KANK3: variants seen among roughly 807,000 people sequenced by gnomAD.
The protein encoded by KANK3 is KN motif and ankyrin repeat domain-containing protein 3.
In KANK3, 61 loss-of-function variants were observed where a neutral mutation model predicts 65.4. That is an observed-to-expected ratio of 0.93 (90% CI 0.76 to 1.15). KANK3 has a LOEUF of 1.15. Among genes scored for constraint, KANK3 ranks in the 50% most tolerant of loss-of-function variants. The pLI is 0.00. For missense variants in KANK3, 1,187 were observed against 1,178.8 expected, an observed-to-expected ratio of 1.01 and a Z score of -0.10; for synonymous variants, 586 against 543.3, an observed-to-expected ratio of 1.08 and a Z score of -1.09.
Position 8,335,626 on chromosome 19 carries a change from G to C in KANK3, c.201C>G (p.Pro67=). ...GCGCGCGGGGACGGCGCGAGGTCGG[G>C]GGTCCCGGGGCGCGGCGGGCAGCGG... ...RGPAARRAPG[P]PTSRRPRAPR... is the part of the protein sequence containing the mutation. The change falls in exon 3 of 11, where the codon CCC becomes CCG. Residue 67 remains proline (P), a synonymous_variant. Transcript: ENST00000330915. 9 of 1,242,504 alleles carry C rather than the reference G, an allele frequency of 7.2e-6. No homozygotes were observed. Among genetic ancestry groups the C allele is most frequent in the Non-Finnish European group, 9.1e-6 (9 of 990,628 alleles). 77.0% of individuals were successfully genotyped at this position (1,242,504 alleles called of 1,614,324 possible).
chr19:8,333,825 G>C lies in KANK3; in HGVS notation c.1635-17C>G, dbSNP rs753475201. 5.2e-6 allele frequency: 8 copies of C among 1,546,048 alleles called. No homozygotes were observed. In the Admixed American group the frequency reaches 7.9e-5, roughly 15 times the overall value. The stretch of plus-strand genomic sequence containing the variant: ...AGCTCGCACCTGCAGAGGAGGCCAG[G>C]AGAGACTCAGGATGGATCGGGGACA... On this transcript the variant is annotated splice_polypyrimidine_tract_variant and intron_variant, in intron 5 of 10. Transcript: ENST00000330915. The surrounding 1 kb of genome is among the most constrained non-coding windows in gnomAD (Gnocchi z 5.0).
chr19:8,324,792 G>T lies in KANK3; in HGVS notation c.2121C>A (p.Gly707=). 1 of 1,613,618 alleles carries T rather than the reference G, an allele frequency of 6.2e-7. No individual in the cohort carries two copies. The highest frequency in any genetic ancestry group is 1.3e-5 in the African/African-American group (1 of 75,062). ...QTALMLAISH[G]RQDMVATLLA... ...GTAGGGTTGCCACCATGTCCTGTCG[G>T]CCATGGCTGATGGCCAGCATGAGGG... The change falls in exon 9 of 11, where the codon GGC becomes GGA. Residue 707 remains glycine (G), a synonymous_variant. Coordinates refer to ENST00000330915, the MANE Select transcript of KANK3 (RefSeq NM_198471.3).
chr19:8,335,107 G>A lies in KANK3; in HGVS notation c.720C>T (p.Arg240=). The change falls in exon 3 of 11, where the codon CGC becomes CGT. Residue 240 remains arginine (R), a synonymous_variant. Transcript: ENST00000330915. ...QPEPDGEAET[R]PDKLAQLRRL... is the part of the protein sequence containing the mutation. ...GCCGCAGCTGGGCGAGCTTGTCCGG[G>A]CGCGTCTCAGCCTCCCCGTCCGGCT... 7.8e-7 allele frequency: 1 copy of A among 1,285,706 alleles called. No homozygotes were observed. Among genetic ancestry groups the A allele is most frequent in the Non-Finnish European group, 9.8e-7 (1 of 1,019,758 alleles). The allele number at this position is 1,285,706 out of a possible 1,614,324, so 79.6% of individuals were successfully genotyped here.
chr19:8,329,920 A>G (rs1233009537), intron 7 of KANK3, among the ~76,000 whole-genome samples: 1 of 152,230 alleles, frequency 6.6e-6, no homozygotes, highest in Non-Finnish European at 1.5e-5. Flanking sequence ...AATGGGCTGA[A>G]GGGGTAACCA....
At chr19:8,326,011 G>C (rs532338682) in intron 7 of KANK3, among the ~76,000 whole-genome samples, 125 of 152,256 alleles carry the variant, frequency 8.2e-4, no homozygotes, top group Non-Finnish European at 1.5e-3. Context: ...ATTTTTAGTA[G>C]AGACGGTTTC....
At position 8,340,047 on chromosome 19, in the gene KANK3, A is replaced by G. The variant is rs150852417; in HGVS notation, c.-28-2191T>C. On this transcript the variant is annotated intron_variant, in intron 1 of 10. Coordinates refer to ENST00000330915, the MANE Select transcript of KANK3 (RefSeq NM_198471.3). ...GGGAAAGATGGGCTTTGGAAAGCCCACATGGAAAACCTTCAGGGAGGGGAA... is the reference window on the plus strand; with the variant it reads ...GGGAAAGATGGGCTTTGGAAAGCCCGCATGGAAAACCTTCAGGGAGGGGAA... 5.6e-4 allele frequency among the ~76,000 whole-genome samples: 85 copies of G among 151,336 alleles called. 1 individual carries two copies. The highest frequency in any genetic ancestry group is 2.0e-3 in the African/African-American group (84 of 41,250).
chr19:8,342,344 G>A (rs1970731758), intron 1 of KANK3, among the ~76,000 whole-genome samples: 1 of 152,148 alleles, frequency 6.6e-6, no homozygotes, highest in African/African-American at 2.4e-5. Flanking sequence ...GATTGGGGGC[G>A]GAGGTGCCCA....
At position 8,333,774 on chromosome 19, in the gene KANK3, C is replaced by T. The variant is rs1970573966; in HGVS notation, c.1669G>A (p.Val557Ile). The change falls in exon 6 of 11, where the codon GTA becomes ATA. Residue 557 changes from valine (V) to isoleucine (I), a missense_variant. By Grantham distance (29) the Val-to-Ile change is conservative (BLOSUM62 3). Around this residue, in one of 3 missense-constraint regions of KANK3, gnomAD observed 1,078 missense variants for 1,038.2 expected, o/e 1.04. Coordinates refer to ENST00000330915, the MANE Select transcript of KANK3 (RefSeq NM_198471.3). This position sits in a 1 kb window ranked among gnomAD's most constrained non-coding sequence, Gnocchi z 5.0. ...ELSPRLREAC[V>I]ALQRQLSRPR... ...CGGCTCAGCTGCCGCTGCAGCGCTA[C>T]GCACGCCTCCCTCAGACGCGGGCTC... 1 of 1,511,552 alleles carries T rather than the reference C, an allele frequency of 6.6e-7. No homozygotes were observed. The highest frequency in any genetic ancestry group is 8.9e-7 in the Non-Finnish European group (1 of 1,126,804). The allele number at this position is 1,511,552 out of a possible 1,614,324, so 93.6% of individuals were successfully genotyped here.
chr19:8,329,170 CA>C (rs35053290), intron 7 of KANK3, among the ~76,000 whole-genome samples: 41,048 of 90,010 alleles, frequency 0.46, 7,289 homozygotes, highest in African/African-American at 0.57. Context: ...GACTCCATCT[CA>C]AAAAAAAAAA....
In KANK3 at chr19:8,334,108, C is replaced by A; in HGVS notation, c.1436G>T (p.Ser479Ile). ...GTCGCTGGCGTCCTCGCTGGAGGAG[C>A]TCTCGTACCTGGGGGCAGGGTGGGA... ...FVGVLNGEYE[S>I]SSSEDASDSD... The change falls in exon 5 of 11, where the codon AGC becomes ATC. Residue 479 changes from serine to isoleucine, a missense_variant. Physicochemically the swap from Ser to Ile is moderately radical, Grantham distance 142. This residue lies in a region of KANK3 where 1,078 missense variants were observed against 1,038.2 expected (regional missense o/e 1.04). Transcript: ENST00000330915. 6.6e-7 allele frequency: 1 copy of A among 1,516,394 alleles called. No individual in the cohort carries two copies. The highest frequency in any genetic ancestry group is 8.8e-7 in the Non-Finnish European group (1 of 1,132,322). 93.9% of individuals were successfully genotyped at this position (1,516,394 alleles called of 1,614,324 possible). A position where few individuals can be genotyped will look rare whatever the true frequency, so the allele number is the denominator to read the frequency against.
At chr19:8,335,876 C>T in intron 2 of KANK3, 84 bp from the exon 3 acceptor site, 1 of 941,590 alleles carries the variant, frequency 1.1e-6, no homozygotes, top group African/African-American at 1.7e-5. Context: ...GTGTCCCCCA[C>T]CCATGCCCAC....
At chr19:8,325,542 G>A (rs1402135271) in intron 7 of KANK3, among the ~76,000 whole-genome samples, 1 of 151,826 alleles carries the variant, frequency 6.6e-6, no homozygotes, top group Non-Finnish European at 1.5e-5. Flanking sequence ...CAAAGTGCTG[G>A]AATTAGAGGC....
rs1970388527 is a variant in KANK3, at chr19:8,324,687, C to T, written c.2226G>A (p.Leu742=). Reference sequence around the variant, plus strand: ...GGGTGAGCAGCAGCCGCACGGTGTCCAGGCGCCCATACTCACTGGCACACA... The same window carrying T: ...GGGTGAGCAGCAGCCGCACGGTGTCTAGGCGCCCATACTCACTGGCACACA... ...ALMCASEYGR[L]DTVRLLLTQP... Residue 742 remains leucine (L), a synonymous_variant, in exon 9 of 11, where the codon CTG becomes CTA. Coordinates refer to ENST00000330915, the MANE Select transcript of KANK3 (RefSeq NM_198471.3). 4 of 1,613,954 alleles carry T rather than the reference C, an allele frequency of 2.5e-6. No homozygotes were observed. Among genetic ancestry groups the T allele is most frequent in the African/African-American group, 2.7e-5 (2 of 74,960 alleles).
chr19:8,333,162 G>A lies in KANK3; in HGVS notation c.1788C>T (p.Pro596=), dbSNP rs1451834979. ...VSSQRRSQAE[P]VARMLEGVRR... ...TCACCCCTTCCAGCATCCTGGCCAC[G>A]GGCTCCGCCTGAGAGCGCCGCTGGC... Residue 596 remains proline, a synonymous_variant, in exon 7 of 11, where the codon CCC becomes CCT. Coordinates refer to ENST00000330915, the MANE Select transcript of KANK3 (RefSeq NM_198471.3). The surrounding 1 kb of genome is among the most constrained non-coding windows in gnomAD (Gnocchi z 5.0). The A allele has an allele frequency of 2.1e-5, 34 of 1,613,018 alleles. No homozygotes were observed. Among genetic ancestry groups the A allele is most frequent in the Admixed American group, 3.3e-5 (2 of 59,986 alleles).
intron 1 of KANK3, among the ~76,000 whole-genome samples, chr19:8,340,291 T>TATATATATATATATATATAC (rs1472181365): frequency 8.4e-4 from 78 of 92,828 alleles, no homozygotes; most frequent in Non-Finnish European, 1.4e-3. Context: ...TATATATATA[T>TATATATATATATATATATAC]ACACACACAC....
chr19:8,342,192 C>G (rs550503218), intron 1 of KANK3, among the ~76,000 whole-genome samples: 1 of 152,242 alleles, frequency 6.6e-6, no homozygotes, highest in Non-Finnish European at 1.5e-5. Context: ...CGGGTTTCAT[C>G]ATGTTGGTCA....
At chr19:8,329,066 G>A (rs1970478535) in intron 7 of KANK3, among the ~76,000 whole-genome samples, 1 of 151,658 alleles carries the variant, frequency 6.6e-6, no homozygotes, top group South Asian at 2.1e-4. Context: ...AGCTGCTGGG[G>A]AGGCTGAGGA....
In KANK3 at chr19:8,337,875, T is replaced by C. The variant is rs1463668184; in HGVS notation, c.-28-19A>G. The C allele has an allele frequency of 6.2e-7, 1 of 1,612,620 alleles. No individual in the cohort carries two copies. Among genetic ancestry groups the C allele is most frequent in the Middle Eastern group, 1.6e-4 (1 of 6,062 alleles). On this transcript the variant is annotated intron_variant, in intron 1 of 10. Coordinates refer to ENST00000330915, the MANE Select transcript of KANK3 (RefSeq NM_198471.3). ...AGGCACCCTGCAAAAGGGGTGAAGG[T>C]GGGGCTGGGCGCTGTCCCTCTGGCT...
chr19:8,335,756 G>A lies in KANK3; in HGVS notation c.71C>T (p.Ala24Val). The A allele has an allele frequency of 8.0e-7, 1 of 1,244,056 alleles. No homozygotes were observed. 77.1% of individuals were successfully genotyped at this position (1,244,056 alleles called of 1,614,324 possible). A position where few individuals can be genotyped will look rare whatever the true frequency, so the allele number is the denominator to read the frequency against. ...GGPRLCPVPA[A>V]GGARSPSSPY... The stretch of plus-strand genomic sequence containing the variant: ...CGAGCTCGGGCTGCGTGCGCCCCCG[G>A]CGGCGGGGACCGGGCACAGGCGGGG... Residue 24 changes from alanine to valine, a missense_variant, in exon 3 of 11, where the codon GCC becomes GTC. Ala to Val is a moderately conservative substitution (Grantham distance 64). Around this residue, in one of 3 missense-constraint regions of KANK3, gnomAD observed 104 missense variants for 122.1 expected, o/e 0.85. Coordinates refer to ENST00000330915, the MANE Select transcript of KANK3 (RefSeq NM_198471.3).
Sources: gnomAD v4.1 joint callset for allele counts (sites outside exome capture counted in the v4.1 genomes callset) on GRCh38, gnomAD v4.1.1 for gene constraint, gnomAD v4.1.1 regional missense constraint, Gnocchi (gnomAD v3.1) non-coding constraint, MANE v1.5 for transcripts, NCBI Gene and HGNC (gene_info 2026-07-23, HGNC 2026-07-21) for gene names.